The following CASTOR2 variants were observed in gnomAD, a reference collection of about 807,000 sequenced individuals.
CASTOR2 encodes cytosolic arginine sensor for mTORC1 subunit 2.
A neutral mutation model predicts 31.2 loss-of-function variants in CASTOR2; 8 were observed. That is an observed-to-expected ratio of 0.26 (90% CI 0.15 to 0.46). CASTOR2 has a LOEUF of 0.46. CASTOR2 is among the 20% of genes least tolerant of loss of function. CASTOR2 has a pLI of 0.99. For missense variants in CASTOR2, 216 were observed against 382.1 expected (o/e 0.57, Z 3.62); for synonymous variants, 162 against 158.7 (o/e 1.02, Z -0.16).
intron 1 of CASTOR2, among the ~76,000 whole-genome samples, chr7:74,972,100 G>A (rs1255803325): frequency 8.1e-4 from 119 of 146,938 alleles, no homozygotes; most frequent in African/African-American, 2.9e-3. Flanking sequence ...TGCCTCAGCC[G>A]CCCGAATAGC....
intron 2 of CASTOR2, among the ~76,000 whole-genome samples, chr7:75,015,768 C>CA (rs1447599159): frequency 6.6e-6 from 1 of 151,810 alleles, no homozygotes; most frequent in Non-Finnish European, 1.5e-5. Flanking sequence ...GTACGGTGAG[C>CA]AAAATAACCC....
intron 5 of CASTOR2, among the ~76,000 whole-genome samples, chr7:75,019,744 G>A (rs1000935306): frequency 1.9e-4 from 29 of 152,200 alleles, no homozygotes; most frequent in Non-Finnish European, 4.0e-4. Context: ...GAGGTGGGGC[G>A]GGGCAGGGTC....
Position 74,985,999 on chromosome 7 carries a change from C to T in CASTOR2, c.113+20901C>T, listed in dbSNP as rs1325621253. Among the ~76,000 whole-genome samples the T allele has an allele frequency of 1.7e-3, 256 of 152,220 alleles. 1 individual carries two copies. Among genetic ancestry groups the T allele is most frequent in the Admixed American group, 2.6e-3 (39 of 15,276 alleles). ...CTGGAGGGCAGTGGCATTATCTCGG[C>T]TCACTGCAACCTCCACCTTCCCGGT... On this transcript the variant is annotated intron_variant, in intron 1 of 8. Transcript: ENST00000616305.
intron 1 of CASTOR2, among the ~76,000 whole-genome samples, chr7:74,988,630 C>A (rs1804130453): frequency 6.6e-6 from 1 of 152,030 alleles, no homozygotes; most frequent in African/African-American, 2.4e-5. Context: ...CTCAGGCATG[C>A]AGAATTTGAT....
Position 75,025,947 on chromosome 7 carries a change from G to C in CASTOR2, c.*1248G>C, listed in dbSNP as rs1805117517. Among the ~76,000 whole-genome samples, 1 of 152,140 alleles carries C rather than the reference G, an allele frequency of 6.6e-6. No individual in the cohort carries two copies. Among genetic ancestry groups the C allele is most frequent in the Non-Finnish European group, 1.5e-5 (1 of 68,030 alleles). On this transcript the variant is annotated 3_prime_UTR_variant, in exon 9 of 9. Transcript: ENST00000616305. ...GAAGGGAAGCTAGGAGCAGAGATCT[G>C]TTACAAGACGCTGGAGCCGCTGGCA...
chr7:75,026,536 C>T lies in CASTOR2; in HGVS notation c.*1837C>T, dbSNP rs1318271238. Among the ~76,000 whole-genome samples, 1 of 152,132 alleles carries T rather than the reference C, an allele frequency of 6.6e-6. No individual in the cohort carries two copies. Among genetic ancestry groups the T allele is most frequent in the Middle Eastern group, 3.2e-3 (1 of 316 alleles). On this transcript the variant is annotated 3_prime_UTR_variant, in exon 9 of 9. Coordinates refer to ENST00000616305, the MANE Select transcript of CASTOR2 (RefSeq NM_001145064.3). ...CAGAGGAGAAGGGATATTTTCTAGT[C>T]CTGACAAAGTGTTCCCTGCTTCTCT...
chr7:75,013,348 C>G (rs1804795764), intron 2 of CASTOR2, among the ~76,000 whole-genome samples: 1 of 152,170 alleles, frequency 6.6e-6, no homozygotes, highest in Non-Finnish European at 1.5e-5. Flanking sequence ...TGTGAACGTT[C>G]TTAAGAGATT....
At chr7:75,013,751 T>C (rs1395690985) in intron 2 of CASTOR2, among the ~76,000 whole-genome samples, 5 of 152,084 alleles carry the variant, frequency 3.3e-5, no homozygotes, top group African/African-American at 7.2e-5. Context: ...TGTGTGTGAC[T>C]GAGTCTCGCT....
rs1236867005 is a variant in CASTOR2, at chr7:74,999,200, CAG to C, written c.114-8793_114-8792del. Reference sequence around the variant, plus strand: ...TTATTTTTATTTTTTTTAGTAGAGACAGGGTTTAACCGTGTTAGCCAGGATGG... The same window carrying C: ...TTATTTTTATTTTTTTTAGTAGAGACGGTTTAACCGTGTTAGCCAGGATGG... On this transcript the variant is annotated intron_variant, in intron 1 of 8. Coordinates refer to ENST00000616305, the MANE Select transcript of CASTOR2 (RefSeq NM_001145064.3). Among the ~76,000 whole-genome samples, 294 of 151,834 alleles carry C rather than the reference CAG, an allele frequency of 1.9e-3. 1 individual carries two copies. The highest frequency in any genetic ancestry group is 6.7e-3 in the African/African-American group (278 of 41,390).
At chr7:74,989,263 CTTTT>C (rs34799228) in intron 1 of CASTOR2, among the ~76,000 whole-genome samples, 1 of 145,288 alleles carries the variant, frequency 6.9e-6, no homozygotes. Context: ...CACGCCTGGC[CTTTT>C]TTTTTTTTTT....
chr7:75,002,567 G>A (rs1288410747), intron 1 of CASTOR2, among the ~76,000 whole-genome samples: 1 of 152,090 alleles, frequency 6.6e-6, no homozygotes, highest in Non-Finnish European at 1.5e-5. Flanking sequence ...GTTGCAGTGA[G>A]CCAAGATGGC....
At chr7:75,018,850 G>T in intron 4 of CASTOR2, 122 bp from the exon 5 acceptor site, 1 of 1,475,596 alleles carries the variant, frequency 6.8e-7, no homozygotes. Context: ...AGAAGCAGCG[G>T]TGAATGAGTC....
intron 1 of CASTOR2, among the ~76,000 whole-genome samples, chr7:74,975,836 C>T (rs1480814336): frequency 5.3e-4 from 66 of 125,328 alleles, no homozygotes; most frequent in African/African-American, 2.0e-3. Context: ...ATGGCTTCTG[C>T]GTGGTGCTCC....
chr7:74,998,243 G>A (rs1414235898), intron 1 of CASTOR2, among the ~76,000 whole-genome samples: 4 of 152,152 alleles, frequency 2.6e-5, no homozygotes, highest in African/African-American at 7.2e-5. Flanking sequence ...TACAGACCTC[G>A]TACCAAGCCC....
At chr7:74,972,264 T>A (rs1389742657) in intron 1 of CASTOR2, among the ~76,000 whole-genome samples, 1 of 145,064 alleles carries the variant, frequency 6.9e-6, no homozygotes, top group African/African-American at 2.5e-5. Flanking sequence ...GGATTACAGG[T>A]GTGAGCTACC....
intron 1 of CASTOR2, among the ~76,000 whole-genome samples, chr7:74,973,333 CTTTT>C (rs1200356756): frequency 1.2e-5 from 1 of 80,336 alleles, no homozygotes; most frequent in African/African-American, 5.9e-5. Context: ...CTCCAGTAAG[CTTTT>C]TTTTTTTTTT....
chr7:75,017,142 ACT>A (rs1344421508), intron 2 of CASTOR2, among the ~76,000 whole-genome samples: 3 of 149,176 alleles, frequency 2.0e-5, no homozygotes, highest in Admixed American at 1.3e-4. Flanking sequence ...ACAGAGCAAG[ACT>A]CTCTCAAAAA....
At chr7:74,970,748 AG>A (rs1554435009) in intron 1 of CASTOR2, among the ~76,000 whole-genome samples, 1 of 112,838 alleles carries the variant, frequency 8.9e-6, no homozygotes, top group East Asian at 2.6e-4. Context: ...TGGGCAACAA[AG>A]CAAGACCCCA....
chr7:74,976,034 GC>G (rs2131917196), intron 1 of CASTOR2, among the ~76,000 whole-genome samples: 1 of 145,342 alleles, frequency 6.9e-6, no homozygotes, highest in East Asian at 2.1e-4. Flanking sequence ...CCCAGCCAAT[GC>G]CTTGAACTGC....
Sources: gnomAD v4.1 joint callset for allele counts (sites outside exome capture counted in the v4.1 genomes callset) on GRCh38, gnomAD v4.1.1 for gene constraint, MANE v1.5 for transcripts, NCBI Gene and HGNC (gene_info 2026-07-23, HGNC 2026-07-21) for gene names.